The following NFILZ variants were observed in gnomAD, a reference collection of about 807,000 sequenced individuals.
The protein encoded by NFILZ is NFIL3 like protein.
intron 3 of NFILZ, among the ~76,000 whole-genome samples, chr19:8,652,383 T>G (rs911779380): frequency 6.6e-6 from 1 of 152,170 alleles, no homozygotes; most frequent in African/African-American, 2.4e-5. Flanking sequence ...GATTACAGGC[T>G]TGAGCCACCG....
chr19:8,634,894 CAAACAAACAAAA>C lies in NFILZ; in HGVS notation c.-260-748_-260-737del, dbSNP rs1282744784. Among the ~76,000 whole-genome samples, 196 of 33,728 alleles carry C rather than the reference CAAACAAACAAAA, an allele frequency of 5.8e-3. 1 individual carries two copies. The highest frequency in any genetic ancestry group is 0.048 in the East Asian group (80 of 1,678). The allele number at this position is 33,728 out of a possible 152,430, so 22.1% of individuals were successfully genotyped here. A position where few individuals can be genotyped will look rare whatever the true frequency, so the allele number is the denominator to read the frequency against. On this transcript the variant is annotated intron_variant, in intron 2 of 5. Coordinates refer to ENST00000691075, the MANE Select transcript of NFILZ (RefSeq NM_001378600.1). Reference sequence around the variant, plus strand: ...ACAAACAAACAAACAAACAAACAAACAAACAAACAAAAAAACAAAAAAACCAGTGTAATTTAC... The same window carrying C: ...ACAAACAAACAAACAAACAAACAAACAAACAAAAAAACCAGTGTAATTTAC...
chr19:8,657,421 C>T (rs2146156682), intron 3 of NFILZ, among the ~76,000 whole-genome samples: 1 of 152,154 alleles, frequency 6.6e-6, no homozygotes, highest in East Asian at 1.9e-4. Context: ...CTTTTGTCTG[C>T]AGGGGGTCGT....
intron 3 of NFILZ, among the ~76,000 whole-genome samples, chr19:8,664,753 T>C (rs2043054135): frequency 6.6e-6 from 1 of 151,972 alleles, no homozygotes; most frequent in Non-Finnish European, 1.5e-5. Context: ...GGGCAGACTT[T>C]TGAGTCAGAG....
chr19:8,631,951 C>T (rs1434033839), intron 1 of NFILZ, among the ~76,000 whole-genome samples: 1 of 151,580 alleles, frequency 6.6e-6, no homozygotes, highest in Non-Finnish European at 1.5e-5. Context: ...CTCACTGCAA[C>T]CTCTGCCTCC....
intron 3 of NFILZ, among the ~76,000 whole-genome samples, chr19:8,637,781 C>T (rs1164479454): frequency 2.0e-5 from 3 of 151,478 alleles, no homozygotes; most frequent in Non-Finnish European, 2.9e-5. Context: ...GTGGCAGATG[C>T]CTGTAATCTC....
At chr19:8,663,726 G>GTGTGTGTGTGTGTGTGTGTGTGTA (rs2043044883) in intron 3 of NFILZ, among the ~76,000 whole-genome samples, 16 of 84,092 alleles carry the variant, frequency 1.9e-4, no homozygotes, top group Admixed American at 2.8e-4. Context: ...GTGTGTTTGT[G>GTGTGTGTGTGTGTGTGTGTGTGTA]TGTGTGTGTG....
intron 2 of NFILZ, among the ~76,000 whole-genome samples, chr19:8,632,885 G>A (rs2042876632): frequency 6.6e-6 from 1 of 151,838 alleles, no homozygotes; most frequent in African/African-American, 2.4e-5. Context: ...ACCATGCCCA[G>A]CTAATTTTTG....
intron 3 of NFILZ, among the ~76,000 whole-genome samples, chr19:8,652,991 C>CTATCTTT (rs1600145499): frequency 2.7e-5 from 1 of 37,062 alleles, no homozygotes; most frequent in African/African-American, 1.3e-4. Flanking sequence ...TTCCTTCCTT[C>CTATCTTT]CTTCCTTCCT....
intron 3 of NFILZ, among the ~76,000 whole-genome samples, chr19:8,664,000 T>C (rs1035953380): frequency 1.3e-5 from 2 of 152,008 alleles, no homozygotes; most frequent in Non-Finnish European, 2.9e-5. Context: ...AGGCAGAACC[T>C]GAGGGGCCCG....
intron 3 of NFILZ, among the ~76,000 whole-genome samples, chr19:8,637,268 C>G (rs2042898740): frequency 6.6e-6 from 1 of 151,960 alleles, no homozygotes; most frequent in South Asian, 2.1e-4. Flanking sequence ...TCACTTGAAT[C>G]CAGGAGGCAG....
At chr19:8,634,512 G>C (rs907211059) in intron 2 of NFILZ, among the ~76,000 whole-genome samples, 5 of 152,148 alleles carry the variant, frequency 3.3e-5, no homozygotes, top group Admixed American at 1.3e-4. Context: ...TAATCCTCTT[G>C]CCTCAGCCTA....
chr19:8,665,174 C>T (rs147832466), intron 3 of NFILZ, among the ~76,000 whole-genome samples: 68 of 152,276 alleles, frequency 4.5e-4, no homozygotes, highest in South Asian at 8.3e-4. Flanking sequence ...ACCTAGAAGG[C>T]GCTTCTGGCC....
At chr19:8,638,373 C>T (rs2042904459) in intron 3 of NFILZ, 1 of 152,272 alleles carries the variant, frequency 6.6e-6, no homozygotes, top group African/African-American at 2.4e-5. Flanking sequence ...AAACCTCACA[C>T]AGTGGTTAGG....
intron 3 of NFILZ, among the ~76,000 whole-genome samples, chr19:8,670,617 T>C (rs1334863285): frequency 6.6e-6 from 1 of 152,202 alleles, no homozygotes; most frequent in Non-Finnish European, 1.5e-5. Context: ...CCGGAGACCT[T>C]CCAGTGACTA....
chr19:8,647,138 A>G (rs1385900077), intron 3 of NFILZ, among the ~76,000 whole-genome samples: 1 of 152,226 alleles, frequency 6.6e-6, no homozygotes, highest in Non-Finnish European at 1.5e-5. Context: ...CAGGCAGCTA[A>G]TAACAGTAGT....
At chr19:8,643,871 GCT>G (rs2042928717) in intron 3 of NFILZ, among the ~76,000 whole-genome samples, 1 of 151,924 alleles carries the variant, frequency 6.6e-6, no homozygotes, top group South Asian at 2.1e-4. Flanking sequence ...TGTTGCTGTC[GCT>G]CTCTCTCCAC....
chr19:8,630,731 G>A lies in NFILZ; in HGVS notation c.-424G>A, dbSNP rs1375239641. 2.0e-5 allele frequency: 3 copies of A among 152,530 alleles called. No homozygotes were observed. The highest frequency in any genetic ancestry group is 7.2e-5 in the African/African-American group (3 of 41,456). 9.4% of individuals were successfully genotyped at this position (152,530 alleles called of 1,614,324 possible). A position where few individuals can be genotyped will look rare whatever the true frequency, so the allele number is the denominator to read the frequency against. ...AGACTGGAGAGCCAGGAGGAGCAAG[G>A]AGCAGGAAGCAAGGTGGTAATGATG... On this transcript the variant is annotated 5_prime_UTR_variant, in exon 1 of 6. Transcript: ENST00000691075.
intron 3 of NFILZ, among the ~76,000 whole-genome samples, chr19:8,658,969 G>A (rs2043017339): frequency 6.6e-6 from 1 of 151,278 alleles, no homozygotes; most frequent in Non-Finnish European, 1.5e-5. Flanking sequence ...TTAAAGGCTG[G>A]TTGCCGTGGC....
chr19:8,631,705 C>T (rs1239483241), intron 1 of NFILZ, among the ~76,000 whole-genome samples: 2 of 152,114 alleles, frequency 1.3e-5, no homozygotes, highest in African/African-American at 2.4e-5. Flanking sequence ...CCCCTTTGTG[C>T]GGCGGCTCCA....
Sources: gnomAD v4.1 joint callset for allele counts (sites outside exome capture counted in the v4.1 genomes callset) on GRCh38, gnomAD v4.1.1 for gene constraint, MANE v1.5 for transcripts, NCBI Gene and HGNC (gene_info 2026-07-23, HGNC 2026-07-21) for gene names.